TRAK1: variants seen among roughly 807,000 people sequenced by gnomAD.
The protein encoded by TRAK1 is trafficking kinesin protein 1, also known as trafficking kinesin-binding protein 1.
TRAK1 carries 33 observed loss-of-function variants against 92.1 expected under a neutral mutation model. The observed-to-expected ratio is 0.36, with a 90% CI of 0.27 to 0.48. The LOEUF (loss-of-function observed/expected upper bound fraction) is 0.48, where lower values mean the gene tolerates loss of function less well. TRAK1 is among the 20% of genes least tolerant of loss of function. The probability of loss-of-function intolerance (pLI) is 0.99; values close to 1 mark genes in which losing one functional copy is unlikely to be tolerated. For missense variants in TRAK1, 1,123 were observed against 1,257.9 expected (o/e 0.89, Z 1.62); for synonymous variants, 521 against 517.3 (o/e 1.01, Z -0.10).
intron 2 of TRAK1, among the ~76,000 whole-genome samples, chr3:42,130,439 T>C (rs1373125499): frequency 6.6e-6 from 1 of 152,230 alleles, no homozygotes; most frequent in East Asian, 1.9e-4. Flanking sequence ...TTTCAAAATA[T>C]TGTTCCATCG....
chr3:42,018,455 A>G (rs951350671), intron 1 of TRAK1, among the ~76,000 whole-genome samples: 2 of 152,198 alleles, frequency 1.3e-5, no homozygotes, highest in Non-Finnish European at 2.9e-5. Context: ...TAGTCTATCC[A>G]GAGGAAGTGG....
intron 2 of TRAK1, among the ~76,000 whole-genome samples, chr3:42,153,406 A>G (rs111646428): frequency 6.7e-6 from 1 of 148,898 alleles, no homozygotes; most frequent in Middle Eastern, 3.4e-3. Context: ...TAAAAAAAAT[A>G]AAAAAAAAAG....
chr3:42,110,801 G>C (rs973802931), intron 1 of TRAK1, among the ~76,000 whole-genome samples: 1 of 152,182 alleles, frequency 6.6e-6, no homozygotes, highest in Non-Finnish European at 1.5e-5. Flanking sequence ...GGTCCTGGCC[G>C]CTCTGCTCAG....
In TRAK1 at chr3:42,200,923, G is replaced by A. The variant is rs566678765; in HGVS notation, c.1296G>A (p.Ser432=). 2.5e-5 allele frequency: 40 copies of A among 1,614,064 alleles called. No individual in the cohort carries two copies. In the South Asian group the frequency reaches 3.3e-4, roughly 13 times the overall value. The change falls in exon 12 of 16, where the codon TCG becomes TCA. Residue 432 remains serine, a synonymous_variant. Transcript: ENST00000327628. ...ACATCCCCGGCTCCAACCAGTCCTC[G>A]GCCATGAACTCCCTCCTGTCCAGCT... The part of the protein sequence containing the change: ...PMNIPGSNQS[S]AMNSLLSSCV...
intron 3 of TRAK1, among the ~76,000 whole-genome samples, chr3:42,183,504 C>T (rs1384133021): frequency 1.4e-5 from 2 of 146,816 alleles, no homozygotes; most frequent in East Asian, 2.0e-4. Flanking sequence ...TACAGTGAGC[C>T]GAGATCGTGC....
intron 1 of TRAK1, among the ~76,000 whole-genome samples, chr3:42,057,660 T>C (rs1183811154): frequency 2.0e-5 from 3 of 152,076 alleles, no homozygotes; most frequent in African/African-American, 7.2e-5. Context: ...CATCTTGTGA[T>C]CTGAGGAGAA....
Position 42,038,556 on chromosome 3 carries a change from C to T in TRAK1, c.-519+24439C>T, listed in dbSNP as rs1015731520. On this transcript the variant is annotated intron_variant, in intron 1 of 16. Transcript: ENST00000487159. ...ATCCCAGCACTTTGGGAGGCCAAGG[C>T]GGGTGGATCACCTGAGCTCAGGAGT... Among the ~76,000 whole-genome samples, 5 of 152,068 alleles carry T rather than the reference C, an allele frequency of 3.3e-5. No homozygotes were observed. In the South Asian group the frequency reaches 1.0e-3, roughly 32 times the overall value.
In TRAK1 at chr3:42,201,001, C is replaced by A. The variant is rs1390604271; in HGVS notation, c.1374C>A (p.Val458=). 78 of 1,614,082 alleles carry A rather than the reference C, an allele frequency of 4.8e-5. No homozygotes were observed. In the Admixed American group the frequency reaches 1.3e-3, roughly 27 times the overall value. The part of the protein sequence containing the change: ...SFYGSDIGNV[V]LDNKTNSIIL... ...ACGGCAGCGACATAGGCAACGTCGT[C>A]CTCGACAACAAGACCAACAGCATCA... Residue 458 remains valine, a synonymous_variant, in exon 12 of 16, where the codon GTC becomes GTA. Coordinates refer to ENST00000327628, the MANE Select transcript of TRAK1 (RefSeq NM_001042646.3).
At chr3:42,130,413 A>G (rs1697039924) in intron 2 of TRAK1, among the ~76,000 whole-genome samples, 1 of 152,004 alleles carries the variant, frequency 6.6e-6, no homozygotes, top group African/African-American at 2.4e-5. Context: ...AGAGAAGGTT[A>G]TGAAGCAAAT....
intron 1 of TRAK1, among the ~76,000 whole-genome samples, chr3:42,117,178 T>C (rs891304903): frequency 8.5e-5 from 13 of 152,116 alleles, no homozygotes; most frequent in African/African-American, 2.7e-4. Context: ...ATTTAGGGTA[T>C]GAAGAAAGCT....
chr3:42,176,962 G>A, intron 3 of TRAK1, 72 bp downstream of exon 3: 1 of 1,356,198 alleles, frequency 7.4e-7, no homozygotes, highest in Non-Finnish European at 1.1e-6. Context: ...ATTAAAGCAT[G>A]CCTTATCACC....
intron 12 of TRAK1, 146 bp downstream of exon 12, chr3:42,201,200 T>A: frequency 3.5e-6 from 3 of 855,022 alleles, no homozygotes; most frequent in Non-Finnish European, 5.5e-6. Context: ...GGCTCGCGCC[T>A]ATAATCCTAG....
At chr3:42,158,265 TG>T (rs1030315070) in intron 2 of TRAK1, among the ~76,000 whole-genome samples, 4 of 152,222 alleles carry the variant, frequency 2.6e-5, no homozygotes, top group African/African-American at 9.6e-5. Context: ...AATTAGCTTT[TG>T]TTTTCCTTTA....
chr3:42,053,547 C>T (rs1010741361), intron 1 of TRAK1, among the ~76,000 whole-genome samples: 1 of 151,842 alleles, frequency 6.6e-6, no homozygotes, highest in Non-Finnish European at 1.5e-5. Flanking sequence ...CTGGTGTAGG[C>T]TGGAGAAATC....
intron 2 of TRAK1, among the ~76,000 whole-genome samples, chr3:42,139,720 A>C (rs181009510): frequency 1.3e-5 from 2 of 152,122 alleles, no homozygotes; most frequent in Non-Finnish European, 2.9e-5. Context: ...CTGGCAAGCA[A>C]TTCTGTACAG....
intron 1 of TRAK1, among the ~76,000 whole-genome samples, chr3:42,092,653 C>T (rs1257048387): frequency 2.0e-5 from 3 of 147,360 alleles, no homozygotes; most frequent in Admixed American, 2.0e-4. Context: ...CATCAAAGGG[C>T]CATGGCTTAG....
chr3:42,147,037 C>T (rs755571633), intron 2 of TRAK1, among the ~76,000 whole-genome samples: 1 of 152,016 alleles, frequency 6.6e-6, no homozygotes, highest in Non-Finnish European at 1.5e-5. Flanking sequence ...CTCGGGACAC[C>T]GGACTCCATT....
intron 7 of TRAK1, among the ~76,000 whole-genome samples, chr3:42,192,443 G>A (rs1051109394): frequency 2.0e-5 from 3 of 151,972 alleles, no homozygotes; most frequent in African/African-American, 7.3e-5. Flanking sequence ...TTTCGTCAAA[G>A]TACTAAGTAT....
At chr3:42,088,210 A>G (rs1038325576), upstream of TRAK1, among the ~76,000 whole-genome samples, 5 of 152,214 alleles carry the variant, frequency 3.3e-5, no homozygotes, top group African/African-American at 1.2e-4. Context: ...GGCTTCCAGT[A>G]GCTTCTCTTG....
Sources: gnomAD v4.1 joint callset for allele counts (sites outside exome capture counted in the v4.1 genomes callset) on GRCh38, gnomAD v4.1.1 for gene constraint, MANE v1.5 for transcripts, NCBI Gene and HGNC (gene_info 2026-07-23, HGNC 2026-07-21) for gene names.